SLC4A4: variants seen among roughly 807,000 people sequenced by gnomAD.
SLC4A4 encodes solute carrier family 4 member 4, also known as electrogenic sodium bicarbonate cotransporter 1.
A neutral mutation model predicts 111.5 loss-of-function variants in SLC4A4; 27 were observed. The ratio of observed to expected loss-of-function variants is 0.24; its 90% CI spans 0.18 to 0.33. The LOEUF (loss-of-function observed/expected upper bound fraction) is 0.33, where lower values mean the gene tolerates loss of function less well. Among genes scored for constraint, SLC4A4 ranks in the 10% least tolerant of loss-of-function variants. The probability of loss-of-function intolerance (pLI) is 1.00; values close to 1 mark genes in which losing one functional copy is unlikely to be tolerated. For missense variants in SLC4A4, 909 were observed against 1,315.5 expected, an observed-to-expected ratio of 0.69 and a Z score of 4.78; for synonymous variants, 443 against 463.4, an observed-to-expected ratio of 0.96 and a Z score of 0.57.
intron 3 of SLC4A4, among the ~76,000 whole-genome samples, chr4:71,287,615 C>A (rs972267255): frequency 2.7e-4 from 41 of 152,136 alleles, no homozygotes; most frequent in Non-Finnish European, 5.6e-4. Context: ...TTATTTTAAT[C>A]AAATACATCT....
intron 7 of SLC4A4, among the ~76,000 whole-genome samples, chr4:71,398,028 G>A (rs1203398764): frequency 1.3e-5 from 2 of 152,176 alleles, no homozygotes; most frequent in South Asian, 2.1e-4. Context: ...GCTCATGCCT[G>A]TAATCACAGC....
chr4:71,306,991 T>A (rs1725742387), intron 3 of SLC4A4, among the ~76,000 whole-genome samples: 1 of 152,196 alleles, frequency 6.6e-6, no homozygotes, highest in Admixed American at 6.5e-5. Context: ...AGATTCTGAT[T>A]TTTCTTCACT....
chr4:71,200,026 T>C (rs1471209865), intron 1 of SLC4A4, among the ~76,000 whole-genome samples: 1 of 152,064 alleles, frequency 6.6e-6, no homozygotes, highest in Non-Finnish European at 1.5e-5. Flanking sequence ...GCTACTTGAG[T>C]TGACAGCTGA....
chr4:71,534,933 T>C (rs1734278964), intron 18 of SLC4A4, among the ~76,000 whole-genome samples: 1 of 152,186 alleles, frequency 6.6e-6, no homozygotes. Context: ...AACTTTGTTA[T>C]GAGTCTAAAG....
intron 13 of SLC4A4, among the ~76,000 whole-genome samples, chr4:71,467,660 T>G (rs1032209507): frequency 6.6e-6 from 1 of 152,136 alleles, no homozygotes; most frequent in South Asian, 2.1e-4. Context: ...AATTATGATA[T>G]CAGCATTTTC....
chr4:71,535,109 T>C (rs1560596350), intron 18 of SLC4A4, among the ~76,000 whole-genome samples: 1 of 152,114 alleles, frequency 6.6e-6, no homozygotes, highest in Non-Finnish European at 1.5e-5. Context: ...AGCTATTATT[T>C]AGTGGAGGGC....
intron 6 of SLC4A4, among the ~76,000 whole-genome samples, chr4:71,393,906 G>C (rs980462959): frequency 6.6e-6 from 1 of 152,028 alleles, no homozygotes; most frequent in African/African-American, 2.4e-5. Flanking sequence ...AAAACATAAA[G>C]TGGAGAAAGG....
At chr4:71,340,715 ATT>A (rs1032567673) in intron 4 of SLC4A4, among the ~76,000 whole-genome samples, 76 of 152,264 alleles carry the variant, frequency 5.0e-4, no homozygotes, top group African/African-American at 1.8e-3. Context: ...AAGACACTCG[ATT>A]TCCTAGAGCT....
At chr4:71,200,026 T>G (rs1471209865) in intron 1 of SLC4A4, among the ~76,000 whole-genome samples, 6 of 152,064 alleles carry the variant, frequency 3.9e-5, no homozygotes, top group Non-Finnish European at 4.4e-5. Flanking sequence ...GCTACTTGAG[T>G]TGACAGCTGA....
In SLC4A4 at chr4:71,466,931, A is replaced by AAGAGAGAGAGAG. The variant is rs61128918; in HGVS notation, c.1631+377_1631+388dup. Among the ~76,000 whole-genome samples, 630 of 94,764 alleles carry AAGAGAGAGAGAG rather than the reference A, an allele frequency of 6.6e-3. 7 individuals carry two copies. The highest frequency in any genetic ancestry group is 0.017 in the African/African-American group (566 of 32,642). 62.2% of individuals were successfully genotyped at this position (94,764 alleles called of 152,430 possible). On this transcript the variant is annotated intron_variant, in intron 13 of 25. Coordinates refer to ENST00000264485, the MANE Select transcript of SLC4A4 (RefSeq NM_001098484.3). The stretch of plus-strand genomic sequence containing the variant: ...TAATGGGGAGTACCAACAAGACGGG[A>AAGAGAGAGAGAG]AGAGAGAGAGAGAGAGAGAGAGAGA...
At chr4:71,404,346 A>G (rs1720643484) in intron 7 of SLC4A4, among the ~76,000 whole-genome samples, 1 of 152,206 alleles carries the variant, frequency 6.6e-6, no homozygotes, top group Non-Finnish European at 1.5e-5. Context: ...TAGGAACAGG[A>G]CAGAACAGCC....
intron 2 of SLC4A4, among the ~76,000 whole-genome samples, chr4:71,163,264 G>GTGCAC (rs749758246): frequency 6.6e-6 from 1 of 152,172 alleles, no homozygotes; most frequent in Non-Finnish European, 1.5e-5. Flanking sequence ...AAATGGGAGT[G>GTGCAC]TGCACTTCAT....
chr4:71,490,353 A>G (rs28448514), intron 15 of SLC4A4, among the ~76,000 whole-genome samples: 20,573 of 151,810 alleles, frequency 0.14, 1,760 homozygotes, highest in South Asian at 0.3. Flanking sequence ...AAATTGAGGC[A>G]TACCTTAAAA....
chr4:71,145,396 G>T (rs1322352309), intron 2 of SLC4A4, among the ~76,000 whole-genome samples: 1 of 152,166 alleles, frequency 6.6e-6, no homozygotes, highest in East Asian at 1.9e-4. Context: ...AAGGATATTG[G>T]TCTAAAATTC....
At chr4:71,239,416 G>T (rs2602069) in intron 2 of SLC4A4, among the ~76,000 whole-genome samples, 139,347 of 152,202 alleles carry the variant, frequency 0.92, 64,563 homozygotes, top group East Asian at 0.99. Context: ...GGTGATTGGA[G>T]TCAGCTCAAC....
chr4:71,239,953 C>T (rs2149041592), intron 2 of SLC4A4, among the ~76,000 whole-genome samples: 1 of 152,246 alleles, frequency 6.6e-6, no homozygotes, highest in East Asian at 1.9e-4. Flanking sequence ...CCAGGCCCTT[C>T]CACGCTTCCA....
intron 3 of SLC4A4, among the ~76,000 whole-genome samples, chr4:71,302,110 T>C (rs927813449): frequency 6.6e-6 from 1 of 152,098 alleles, no homozygotes; most frequent in Non-Finnish European, 1.5e-5. Flanking sequence ...CATATATGAG[T>C]CTGAGGCTGT....
intron 3 of SLC4A4, among the ~76,000 whole-genome samples, chr4:71,305,536 G>A (rs186096822): frequency 6.6e-6 from 1 of 152,310 alleles, no homozygotes; most frequent in Non-Finnish European, 1.5e-5. Flanking sequence ...TGCAGTTTTA[G>A]CAAAAGATAC....
chr4:71,466,322 C>A, intron 12 of SLC4A4, 122 bp from the exon 13 acceptor site: 2 of 1,075,246 alleles, frequency 1.9e-6, no homozygotes, highest in Non-Finnish European at 2.8e-6. Flanking sequence ...GTTCTTCATT[C>A]TTGATATGTT....
Sources: gnomAD v4.1 joint callset for allele counts (sites outside exome capture counted in the v4.1 genomes callset) on GRCh38, gnomAD v4.1.1 for gene constraint, MANE v1.5 for transcripts, NCBI Gene and HGNC (gene_info 2026-07-23, HGNC 2026-07-21) for gene names.